The following SLC22A14 variants were observed in gnomAD, a reference collection of about 807,000 sequenced individuals.
SLC22A14 encodes the protein organic cation transporter-like 4.
SLC22A14 carries 50 observed loss-of-function variants against 53.9 expected under a neutral mutation model. That is an observed-to-expected ratio of 0.93 (90% CI 0.74 to 1.17). The LOEUF (loss-of-function observed/expected upper bound fraction) is 1.17. Ranked by LOEUF, SLC22A14 falls within the 50% of genes most tolerant of loss-of-function variation. The pLI, the probability that SLC22A14 is intolerant of heterozygous loss-of-function variation, is 0.00. For missense variants in SLC22A14, 671 were observed against 734.7 expected (o/e 0.91, Z 1.00); for synonymous variants, 312 against 303.0 (o/e 1.03, Z -0.31).
rs374609921 is a variant in SLC22A14 at position 38,307,388 on chromosome 3, G to A, written c.620+31G>A. ...TCCCCGGGAGTTTCTGCTGGTCCCC[G>A]AGCCATCCCAACTCCTCCTCATGGG... On this transcript the variant is annotated intron_variant, in intron 3 of 10. Transcript: ENST00000448498. This position sits in a 1 kb window ranked among gnomAD's most constrained non-coding sequence, Gnocchi z 4.4. 257 of 1,577,506 alleles carry A rather than the reference G, an allele frequency of 1.6e-4. No individual in the cohort carries two copies. In the African/African-American group the frequency reaches 1.8e-3, roughly 11 times the overall value.
At chr3:38,310,160 T>C (rs1193126994) in intron 5 of SLC22A14, among the ~76,000 whole-genome samples, 1 of 152,236 alleles carries the variant, frequency 6.6e-6, no homozygotes, top group East Asian at 1.9e-4. Context: ...GGAGGAGCGC[T>C]TGAGGCTAGG....
intron 1 of SLC22A14, among the ~76,000 whole-genome samples, chr3:38,288,585 T>C (rs967797019): frequency 2.0e-5 from 3 of 152,316 alleles, no homozygotes; most frequent in Admixed American, 6.5e-5. Context: ...CACCAATATT[T>C]GTTTCCTTTT....
chr3:38,303,157 CTTA>C (rs1704210054), intron 1 of SLC22A14, among the ~76,000 whole-genome samples: 1 of 151,922 alleles, frequency 6.6e-6, no homozygotes, highest in Admixed American at 6.6e-5. Flanking sequence ...ATTTGTCTAT[CTTA>C]TTAATCTATT....
intron 1 of SLC22A14, among the ~76,000 whole-genome samples, chr3:38,284,910 T>C (rs1703756574): frequency 6.6e-6 from 1 of 152,204 alleles, no homozygotes; most frequent in African/African-American, 2.4e-5. Context: ...TGGGTTGCTC[T>C]TTCCGGAGGA....
Position 38,313,782 on chromosome 3 carries a change from G to C in SLC22A14, c.1219G>C (p.Val407Leu). 1 of 1,606,900 alleles carries C rather than the reference G, an allele frequency of 6.2e-7. No individual in the cohort carries two copies. ...GAGCCTGAGAATGAGAGAGCTGGGC[G>C]TGAGCGTCCACTTCAGACACGTGGT... is the stretch of plus-strand genomic sequence containing the variant. ...TLSLRMRELG[V>L]SVHFRHVVPS... Residue 407 changes from valine to leucine, a missense_variant, in exon 8 of 11, where the codon GTG becomes CTG. Transcript: ENST00000448498.
chr3:38,295,632 T>C (rs1704015096), intron 1 of SLC22A14, among the ~76,000 whole-genome samples: 1 of 152,150 alleles, frequency 6.6e-6, no homozygotes, highest in South Asian at 2.1e-4. Flanking sequence ...CTTTTAAAGG[T>C]GTAGGGCACA....
intron 1 of SLC22A14, among the ~76,000 whole-genome samples, chr3:38,304,379 G>A (rs542212981): frequency 6.6e-6 from 1 of 152,020 alleles, no homozygotes; most frequent in African/African-American, 2.4e-5. Flanking sequence ...TGGTTTCCGT[G>A]TTGCTTAACT....
At chr3:38,309,270 G>C in intron 5 of SLC22A14, 148 bp downstream of exon 5, 1 of 693,136 alleles carries the variant, frequency 1.4e-6, no homozygotes, top group African/African-American at 1.8e-5. Flanking sequence ...AAGGCACCAA[G>C]GGCAGAGCCT....
chr3:38,317,412 T>A (rs1704652894), intron 10 of SLC22A14, among the ~76,000 whole-genome samples: 1 of 152,224 alleles, frequency 6.6e-6, no homozygotes, highest in African/African-American at 2.4e-5. Flanking sequence ...GCTAGAGGAC[T>A]CTGACAGTGG....
rs59323211 is a variant in SLC22A14 at position 38,292,170 on chromosome 3, A to G, written c.-1+9831A>G. ...AAGTAAATCATCCATGTACCAAAGG[A>G]CAAGAGTGTCCAGGTATGAGAACTG... On this transcript the variant is annotated intron_variant, in intron 1 of 10. Coordinates refer to ENST00000448498, the MANE Select transcript of SLC22A14 (RefSeq NM_001320033.2). Among the ~76,000 whole-genome samples the G allele has an allele frequency of 2.6e-3, 391 of 152,356 alleles. 3 individuals carry two copies. Among genetic ancestry groups the G allele is most frequent in the African/African-American group, 8.2e-3 (342 of 41,580 alleles).
At chr3:38,311,141 T>C (rs1347971080) in intron 5 of SLC22A14, among the ~76,000 whole-genome samples, 1 of 151,634 alleles carries the variant, frequency 6.6e-6, no homozygotes, top group East Asian at 1.9e-4. Flanking sequence ...GTATGGGGAG[T>C]GAGGAGGAGA....
Position 38,306,032 on chromosome 3 carries a change from A to G in SLC22A14, c.6A>G (p.Ala2=). The part of the protein sequence containing the change: M[A]GEENFKEELR... Reference sequence around the variant, plus strand: ...TGCACCCTTTCTTTGGACAGATGGCAGGAGAGGAGAACTTCAAGGAAGAGC... The same window carrying G: ...TGCACCCTTTCTTTGGACAGATGGCGGGAGAGGAGAACTTCAAGGAAGAGC... The change falls in exon 2 of 11, where the codon GCA becomes GCG. Residue 2 remains alanine, a synonymous_variant. Coordinates refer to ENST00000448498, the MANE Select transcript of SLC22A14 (RefSeq NM_001320033.2). The G allele has an allele frequency of 6.2e-7, 1 of 1,609,864 alleles. No homozygotes were observed. Among genetic ancestry groups the G allele is most frequent in the Non-Finnish European group, 8.5e-7 (1 of 1,177,480 alleles).
chr3:38,281,668 C>T (rs558173936), upstream of SLC22A14, among the ~76,000 whole-genome samples: 62 of 152,336 alleles, frequency 4.1e-4, no homozygotes, highest in South Asian at 7.0e-3. Context: ...GGCCCCATCA[C>T]GCTACCACAC....
intron 1 of SLC22A14, among the ~76,000 whole-genome samples, chr3:38,299,410 A>G (rs891049892): frequency 1.3e-5 from 2 of 152,168 alleles, no homozygotes; most frequent in African/African-American, 4.8e-5. Context: ...ACAAATGAGC[A>G]GATACATGTA....
upstream of SLC22A14, among the ~76,000 whole-genome samples, chr3:38,280,027 C>T (rs1166232793): frequency 6.6e-6 from 1 of 152,192 alleles, no homozygotes; most frequent in African/African-American, 2.4e-5. Flanking sequence ...ACCAATGTGG[C>T]CAACTAGAGT....
intron 1 of SLC22A14, among the ~76,000 whole-genome samples, chr3:38,301,566 T>A (rs1254287643): frequency 6.6e-6 from 1 of 152,240 alleles, no homozygotes; most frequent in East Asian, 1.9e-4. Flanking sequence ...CTCCTATTGT[T>A]TCTGATTCTC....
At position 38,306,095 on chromosome 3, in the gene SLC22A14, T is replaced by A; in HGVS notation, c.69T>A (p.His23Gln). The stretch of plus-strand genomic sequence containing the variant: ...ATGCTTCCAGGAACTTGAACCAGCA[T>A]GAGGTAGCAGGACATCCACATTCCT... ...SQDASRNLNQ[H>Q]EVAGHPHSWS... Residue 23 changes from histidine (H) to glutamine (Q), a missense_variant, in exon 2 of 11, where the codon CAT (histidine) becomes CAA (glutamine). Physicochemically the swap from His to Gln is conservative, Grantham distance 24. Transcript: ENST00000448498. 6.2e-7 allele frequency: 1 copy of A among 1,614,004 alleles called. No individual in the cohort carries two copies. Among genetic ancestry groups the A allele is most frequent in the Non-Finnish European group, 8.5e-7 (1 of 1,179,964 alleles).
At position 38,307,596 on chromosome 3, in the gene SLC22A14, A is replaced by T; in HGVS notation, c.651A>T (p.Ser217=). 1 of 1,614,158 alleles carries T rather than the reference A, an allele frequency of 6.2e-7. No individual in the cohort carries two copies. The highest frequency in any genetic ancestry group is 8.5e-7 in the Non-Finnish European group (1 of 1,180,030). The part of the protein sequence containing the change: ...KMGRYPAILL[S]LLGLIIFGFG... ...GCCGCTACCCTGCCATCCTGCTGTC[A>T]CTGCTGGGGCTGATCATCTTCGGCT... The change falls in exon 4 of 11, where the codon TCA becomes TCT. Residue 217 remains serine, a synonymous_variant. Coordinates refer to ENST00000448498, the MANE Select transcript of SLC22A14 (RefSeq NM_001320033.2). The surrounding 1 kb of genome is among the most constrained non-coding windows in gnomAD (Gnocchi z 4.4).
chr3:38,307,836 G>T lies in SLC22A14; in HGVS notation c.775+116G>T. 1.7e-5 allele frequency: 19 copies of T among 1,134,336 alleles called. 1 individual carries two copies. In the South Asian group the frequency reaches 2.6e-4, roughly 16 times the overall value. 70.3% of individuals were successfully genotyped at this position (1,134,336 alleles called of 1,614,324 possible). On this transcript the variant is annotated intron_variant, in intron 4 of 10. Transcript: ENST00000448498. This position sits in a 1 kb window ranked among gnomAD's most constrained non-coding sequence, Gnocchi z 4.4. ...GGCGGCATAGGCAGATGGCAAGGGG[G>T]CGTGGTGTAGCTGTAAGAGGGCATG...
Sources: gnomAD v4.1 joint callset for allele counts (sites outside exome capture counted in the v4.1 genomes callset) on GRCh38, gnomAD v4.1.1 for gene constraint, Gnocchi (gnomAD v3.1) non-coding constraint, MANE v1.5 for transcripts, NCBI Gene and HGNC (gene_info 2026-07-23, HGNC 2026-07-21) for gene names.